The following CELF2 variants were observed in gnomAD, a reference collection of about 807,000 sequenced individuals.
CELF2 encodes the protein CUG triplet repeat RNA-binding protein 2.
CELF2 carries 8 observed loss-of-function variants against 62.6 expected under a neutral mutation model. That is an observed-to-expected ratio of 0.13 (90% CI 0.07 to 0.23). CELF2 has a LOEUF of 0.23. Ranked by LOEUF, CELF2 falls within the 10% of genes least tolerant of loss-of-function variation. The probability of loss-of-function intolerance (pLI) is 1.00; values close to 1 mark genes in which losing one functional copy is unlikely to be tolerated. For synonymous variants in CELF2, 258 were observed against 250.0 expected, an observed-to-expected ratio of 1.03 and a Z score of -0.30; for missense variants, 333 against 671.0, an observed-to-expected ratio of 0.50 and a Z score of 5.56.
the CELF2 span, among the ~76,000 whole-genome samples, chr10:10,659,269 A>G: frequency 3.9e-5 from 6 of 152,230 alleles, no homozygotes; most frequent in South Asian, 1.2e-3. Context: ...CACTGTTTCC[A>G]TAATGAGAGA....
At chr10:10,735,415 G>A in the CELF2 span, among the ~76,000 whole-genome samples, 1 of 152,130 alleles carries the variant, frequency 6.6e-6, no homozygotes, top group Non-Finnish European at 1.5e-5. Flanking sequence ...AAACACAGAA[G>A]CACAACAGCT....
chr10:10,993,000 G>T (rs550928712), intron 2 of CELF2, among the ~76,000 whole-genome samples: 1 of 152,270 alleles, frequency 6.6e-6, no homozygotes, highest in East Asian at 1.9e-4. Context: ...TGTTGTCTCT[G>T]TCTCAGTAAG....
rs2095388869 is a variant in CELF2 at position 11,320,682 on chromosome 10, C to T, written c.1097-507C>T. On this transcript the variant is annotated intron_variant, in intron 10 of 12. Coordinates refer to ENST00000633077, the MANE Select transcript of CELF2 (RefSeq NM_001326342.2). ...TCCGAGAGTACAGAACTTGTCCTCT[C>T]CACCATTTCCTCATCACACGGCCTA... is the stretch of plus-strand genomic sequence containing the variant. Among the ~76,000 whole-genome samples, 4 of 152,296 alleles carry T rather than the reference C, an allele frequency of 2.6e-5. No homozygotes were observed. The South Asian group carries it at 8.3e-4, about 32-fold the overall frequency.
At chr10:10,556,876 G>A in the CELF2 span, among the ~76,000 whole-genome samples, 38 of 145,804 alleles carry the variant, frequency 2.6e-4, no homozygotes, top group African/African-American at 8.7e-4. Context: ...TTTTTGATGG[G>A]GTTGTTTGTT....
chr10:10,855,955 G>A (rs1158368644), intron 1 of CELF2, among the ~76,000 whole-genome samples: 4 of 152,158 alleles, frequency 2.6e-5, no homozygotes, highest in Non-Finnish European at 5.9e-5. Flanking sequence ...AAGAAAGGCG[G>A]CAAAGAGATG....
chr10:10,551,161 C>T, the CELF2 span, among the ~76,000 whole-genome samples: 2 of 152,130 alleles, frequency 1.3e-5, no homozygotes, highest in African/African-American at 4.8e-5. Context: ...AAATTTGAAC[C>T]AGATTAGTCT....
the CELF2 span, among the ~76,000 whole-genome samples, chr10:10,668,361 TGTTCTGCCA>T: frequency 6.6e-6 from 1 of 152,182 alleles, no homozygotes; most frequent in African/African-American, 2.4e-5. Context: ...CTGAGCAAGT[TGTTCTGCCA>T]GAATGCCCTA....
intron 2 of CELF2, among the ~76,000 whole-genome samples, chr10:10,984,474 G>A (rs1045487703): frequency 2.6e-5 from 4 of 152,106 alleles, no homozygotes; most frequent in East Asian, 1.9e-4. Flanking sequence ...TAAGCCTGGC[G>A]CCGTTTGATT....
chr10:11,315,277 T>C lies in CELF2; in HGVS notation c.1096+1019T>C, dbSNP rs1460375921. ...CAGAGCTGCTGATACGGGAGCCCAG[T>C]TAGCTACCATGCAGCCCAGGCACCC... On this transcript the variant is annotated intron_variant, in intron 10 of 12. Transcript: ENST00000633077. This position sits in a 1 kb window ranked among gnomAD's most constrained non-coding sequence, Gnocchi z 5.8. Among the ~76,000 whole-genome samples the C allele has an allele frequency of 3.9e-5, 6 of 152,128 alleles. No homozygotes were observed. In the South Asian group the frequency reaches 6.2e-4, roughly 16 times the overall value.
intron 1 of CELF2, among the ~76,000 whole-genome samples, chr10:11,095,836 T>C (rs1675914633): frequency 6.6e-6 from 1 of 152,116 alleles, no homozygotes; most frequent in Admixed American, 6.5e-5. Flanking sequence ...GGGAAGAAAG[T>C]GATGAAACCA....
intron 3 of CELF2, among the ~76,000 whole-genome samples, chr10:11,231,308 A>G (rs1407573183): frequency 2.0e-5 from 3 of 152,242 alleles, no homozygotes; most frequent in Non-Finnish European, 1.5e-5. Context: ...CCTGAACTTA[A>G]CCATGGTCAG....
chr10:10,504,251 G>A, the CELF2 span, among the ~76,000 whole-genome samples: 1 of 151,812 alleles, frequency 6.6e-6, no homozygotes, highest in Non-Finnish European at 1.5e-5. Context: ...ATTCTTTTAG[G>A]GTAAGTCTGC....
chr10:10,650,930 C>T, the CELF2 span, among the ~76,000 whole-genome samples: 10 of 149,722 alleles, frequency 6.7e-5, no homozygotes, highest in East Asian at 2.0e-4. Context: ...CGCAGAAGAC[C>T]GGTGATTTCT....
chr10:11,147,748 A>G (rs570347809), intron 1 of CELF2, among the ~76,000 whole-genome samples: 7 of 152,328 alleles, frequency 4.6e-5, no homozygotes, highest in African/African-American at 1.7e-4. Flanking sequence ...TTTTGTTAGG[A>G]GGAAATTGTC....
the CELF2 span, among the ~76,000 whole-genome samples, chr10:10,755,479 T>TA: frequency 3.9e-5 from 6 of 152,324 alleles, no homozygotes; most frequent in African/African-American, 1.4e-4. Context: ...CTGGCTCTGC[T>TA]ACATTTTCGC....
At chr10:10,976,786 C>T (rs936341163) in intron 2 of CELF2, among the ~76,000 whole-genome samples, 1 of 152,172 alleles carries the variant, frequency 6.6e-6, no homozygotes, top group African/African-American at 2.4e-5. Flanking sequence ...CAGGGTCTGA[C>T]TTCCTGAAAT....
chr10:10,828,465 G>A (rs939415552), intron 1 of CELF2, among the ~76,000 whole-genome samples: 2 of 152,144 alleles, frequency 1.3e-5, no homozygotes, highest in Non-Finnish European at 2.9e-5. Context: ...AGGATAGTCA[G>A]ATTCATAAAG....
the CELF2 span, among the ~76,000 whole-genome samples, chr10:10,698,051 C>G: frequency 8.8e-3 from 1,347 of 152,284 alleles, 22 homozygotes; most frequent in African/African-American, 0.031. Context: ...ACTTCAGCCT[C>G]CCAAAGAAGA....
intron 2 of CELF2, among the ~76,000 whole-genome samples, chr10:10,942,163 A>G (rs903390836): frequency 6.6e-6 from 1 of 152,142 alleles, no homozygotes; most frequent in African/African-American, 2.4e-5. Context: ...GGATCATGCA[A>G]AAGGGTTAGC....
Sources: allele counts gnomAD v4.1 joint callset (sites outside exome capture counted in the v4.1 genomes callset), GRCh38; gene constraint gnomAD v4.1.1; non-coding constraint Gnocchi (gnomAD v3.1); transcripts MANE v1.5; gene names NCBI Gene and HGNC (gene_info 2026-07-23, HGNC 2026-07-21).